Variants in BBX observed in about 807,000 individuals in gnomAD.
BBX encodes BBX high mobility group box domain containing.
A neutral mutation model predicts 100.2 loss-of-function variants in BBX; 30 were observed. The ratio of observed to expected loss-of-function variants is 0.30; its 90% CI spans 0.22 to 0.41. The LOEUF (loss-of-function observed/expected upper bound fraction) is 0.41. Among genes scored for constraint, BBX ranks in the 10% least tolerant of loss-of-function variants. The pLI is 1.00. For synonymous variants in BBX, 376 were observed against 388.1 expected, an observed-to-expected ratio of 0.97 and a Z score of 0.37; for missense variants, 1,023 against 1,129.8, an observed-to-expected ratio of 0.91 and a Z score of 1.35.
intron 16 of BBX, among the ~76,000 whole-genome samples, chr3:107,799,596 C>T (rs57578969): frequency 8.6e-5 from 13 of 151,912 alleles, no homozygotes; most frequent in East Asian, 5.8e-4. Context: ...GTCTGCTGTT[C>T]GGGTCACTAC....
At chr3:107,669,266 T>C (rs1350779734) in intron 3 of BBX, among the ~76,000 whole-genome samples, 1 of 152,112 alleles carries the variant, frequency 6.6e-6, no homozygotes, top group East Asian at 1.9e-4. Flanking sequence ...GGAGATGTTA[T>C]TTTGCCTAGG....
chr3:107,654,014 GT>G (rs1559923605), intron 3 of BBX, among the ~76,000 whole-genome samples: 1 of 152,120 alleles, frequency 6.6e-6, no homozygotes, highest in Admixed American at 6.6e-5. Context: ...CTTCAATAGA[GT>G]TTTTGAATAC....
intron 7 of BBX, among the ~76,000 whole-genome samples, chr3:107,737,114 A>G (rs185329811): frequency 7.1e-4 from 108 of 152,194 alleles, no homozygotes; most frequent in East Asian, 1.9e-4. Context: ...TCAAATCTCA[A>G]GGCTACAGTG....
rs369473532 is a variant in BBX at position 107,569,497 on chromosome 3, G to A, written c.-84+43099G>A. ...AGTAAAGGGAGATAGGGGTGGGGCC[G>A]TTTTATAGGATTTGGGTAGGTAGTG... On this transcript the variant is annotated intron_variant, in intron 2 of 17. Coordinates refer to ENST00000325805, the MANE Select transcript of BBX (RefSeq NM_001142568.3). Among the ~76,000 whole-genome samples the A allele has an allele frequency of 2.8e-4, 42 of 152,180 alleles. No individual in the cohort carries two copies. The East Asian group carries it at 3.3e-3, about 12-fold the overall frequency.
intron 2 of BBX, among the ~76,000 whole-genome samples, chr3:107,615,458 T>C (rs1246657771): frequency 1.3e-5 from 2 of 152,190 alleles, no homozygotes; most frequent in African/African-American, 4.8e-5. Flanking sequence ...GGGATTTTTT[T>C]TGATGAGTCC....
chr3:107,805,569 T>C lies in BBX; in HGVS notation c.*112T>C, dbSNP rs560338571. On this transcript the variant is annotated 3_prime_UTR_variant, in exon 18 of 18. Coordinates refer to ENST00000325805, the MANE Select transcript of BBX (RefSeq NM_001142568.3). ...AAAATATAGACTGCAAACAAGTGCT[T>C]GTTGCCCCACACGGCCCAGATTCAC... 6.3e-7 allele frequency: 1 copy of C among 1,577,708 alleles called. No individual in the cohort carries two copies. Among genetic ancestry groups the C allele is most frequent in the Non-Finnish European group, 8.6e-7 (1 of 1,157,632 alleles).
intron 2 of BBX, among the ~76,000 whole-genome samples, chr3:107,549,515 G>A (rs1304807172): frequency 1.3e-5 from 2 of 152,150 alleles, no homozygotes; most frequent in African/African-American, 4.8e-5. Context: ...TGACCTTAGG[G>A]ATGTCCGTCC....
At chr3:107,678,865 G>A (rs1037969625) in intron 3 of BBX, among the ~76,000 whole-genome samples, 7 of 152,138 alleles carry the variant, frequency 4.6e-5, no homozygotes, top group African/African-American at 1.7e-4. Context: ...CAGTGTATGT[G>A]TATATAAAAA....
chr3:107,628,760 G>A (rs1242169700), intron 2 of BBX, among the ~76,000 whole-genome samples: 1 of 152,056 alleles, frequency 6.6e-6, no homozygotes, highest in Non-Finnish European at 1.5e-5. Flanking sequence ...TGGTCAAGAT[G>A]TGCAATTTAC....
At chr3:107,572,266 G>T (rs1409206366) in intron 2 of BBX, among the ~76,000 whole-genome samples, 8 of 152,076 alleles carry the variant, frequency 5.3e-5, no homozygotes, top group Admixed American at 5.2e-4. Context: ...CCTTTCGTTA[G>T]TTCTCAGAAT....
chr3:107,598,546 C>T lies in BBX; in HGVS notation c.-83-47290C>T, dbSNP rs939208695. ...CACAGTAAGATTACTTTCTGCTTCC[C>T]GGCTTATTTATTTTGGGTGTCAGTT... On this transcript the variant is annotated intron_variant, in intron 2 of 17. Coordinates refer to ENST00000325805, the MANE Select transcript of BBX (RefSeq NM_001142568.3). 3.9e-5 allele frequency among the ~76,000 whole-genome samples: 6 copies of T among 152,258 alleles called. No homozygotes were observed. In the East Asian group the frequency reaches 5.8e-4, roughly 15 times the overall value.
At chr3:107,592,022 A>G (rs184892917) in intron 2 of BBX, among the ~76,000 whole-genome samples, 100 of 152,296 alleles carry the variant, frequency 6.6e-4, no homozygotes, top group Non-Finnish European at 8.7e-4. Context: ...TATTTTTGGC[A>G]TTGTATATGT....
At chr3:107,546,751 G>A (rs921385141) in intron 2 of BBX, among the ~76,000 whole-genome samples, 19 of 152,174 alleles carry the variant, frequency 1.2e-4, no homozygotes, top group African/African-American at 4.3e-4. Context: ...ATTTGATCAT[G>A]ATTTGGGACC....
In BBX at chr3:107,774,808, G is replaced by A; in HGVS notation, c.2005G>A (p.Gly669Arg). 1 of 1,613,570 alleles carries A rather than the reference G, an allele frequency of 6.2e-7. No homozygotes were observed. Among genetic ancestry groups the A allele is most frequent in the South Asian group, 1.1e-5 (1 of 91,056 alleles). Reference sequence around the variant, plus strand: ...GACATTTAGTCAGAGTGGGACCAGTGGGAGCAAGAAGTTCAAGAAGACAAA... The same window carrying A: ...GACATTTAGTCAGAGTGGGACCAGTAGGAGCAAGAAGTTCAAGAAGACAAA... ...SWTFSQSGTS[G>R]SKKFKKTKPK... is the part of the protein sequence containing the mutation. Residue 669 changes from glycine to arginine, a missense_variant, in exon 12 of 18, where the codon GGG (glycine) becomes AGG (arginine). Around this residue, in one of 9 missense-constraint regions of BBX, gnomAD observed 215 missense variants for 211.3 expected, o/e 1.02. Transcript: ENST00000325805.
At chr3:107,543,437 A>G (rs2048999386) in intron 2 of BBX, among the ~76,000 whole-genome samples, 1 of 152,222 alleles carries the variant, frequency 6.6e-6, no homozygotes, top group African/African-American at 2.4e-5. Context: ...ATAAATGGTT[A>G]AAAAATTAAA....
At chr3:107,757,430 C>T (rs187988585) in intron 10 of BBX, among the ~76,000 whole-genome samples, 32 of 152,160 alleles carry the variant, frequency 2.1e-4, no homozygotes, top group Admixed American at 4.6e-4. Context: ...CATAATTTAA[C>T]GGGGTAAAAT....
At chr3:107,560,639 T>G (rs1447842419) in intron 2 of BBX, among the ~76,000 whole-genome samples, 1 of 152,224 alleles carries the variant, frequency 6.6e-6, no homozygotes, top group South Asian at 2.1e-4. Context: ...AACACTTCCA[T>G]TAGAGATCAC....
chr3:107,622,314 C>CTA (rs1402144350), intron 2 of BBX, among the ~76,000 whole-genome samples: 1 of 152,134 alleles, frequency 6.6e-6, no homozygotes, highest in Non-Finnish European at 1.5e-5. Context: ...TTATATGTAA[C>CTA]TATATATATG....
intron 3 of BBX, among the ~76,000 whole-genome samples, chr3:107,696,454 T>C (rs1225439598): frequency 2.7e-5 from 4 of 150,896 alleles, no homozygotes; most frequent in East Asian, 1.9e-4. Context: ...CCTTCACTTA[T>C]GAAGCTTAGT....
Sources: allele counts gnomAD v4.1 joint callset (sites outside exome capture counted in the v4.1 genomes callset), GRCh38; gene constraint gnomAD v4.1.1; regional missense constraint gnomAD v4.1.1; transcripts MANE v1.5; gene names NCBI Gene and HGNC (gene_info 2026-07-23, HGNC 2026-07-21).